Variants in YARS1 observed in about 807,000 individuals in gnomAD.
YARS1 encodes tyrosine--tRNA ligase, cytoplasmic.
A neutral mutation model predicts 62.2 loss-of-function variants in YARS1; 36 were observed. The observed-to-expected ratio is 0.58, with a 90% CI of 0.44 to 0.76. The LOEUF is 0.76. Among genes scored for constraint, YARS1 ranks in the 30% least tolerant of loss-of-function variants. The pLI is 0.00. For missense variants in YARS1, 524 were observed against 639.8 expected, an observed-to-expected ratio of 0.82 and a Z score of 1.95; for synonymous variants, 234 against 244.9, an observed-to-expected ratio of 0.96 and a Z score of 0.42.
At chr1:32,817,115 G>A (rs888639912) in intron 1 of YARS1, 73 bp downstream of exon 1, 1 of 1,585,442 alleles carries the variant, frequency 6.3e-7, no homozygotes, top group Admixed American at 1.7e-5. Flanking sequence ...TTAGAACCCC[G>A]TAATGGGGCT....
At chr1:32,810,106 CAAAAA>C (rs11381151) in intron 3 of YARS1, among the ~76,000 whole-genome samples, 2 of 121,560 alleles carry the variant, frequency 1.6e-5, no homozygotes, top group Admixed American at 8.1e-5. Context: ...AACTCCACCT[CAAAAA>C]AAAAAAAAAA....
chr1:32,789,293 G>A (rs898981281), intron 6 of YARS1, among the ~76,000 whole-genome samples: 13 of 152,222 alleles, frequency 8.5e-5, no homozygotes, highest in African/African-American at 3.1e-4. Flanking sequence ...TTAAGATGCC[G>A]AAAATTGCTA....
chr1:32,786,459 A>G lies in YARS1; in HGVS notation c.821-12T>C. 6.2e-7 allele frequency: 1 copy of G among 1,611,230 alleles called. No homozygotes were observed. Among genetic ancestry groups the G allele is most frequent in the Non-Finnish European group, 8.5e-7 (1 of 1,177,998 alleles). On this transcript the variant is annotated splice_polypyrimidine_tract_variant and intron_variant, in intron 7 of 12. Coordinates refer to ENST00000373477, the MANE Select transcript of YARS1 (RefSeq NM_003680.4). ...TAGGATCACAAACTCTATAAGGAAA[A>G]GGATCCATGTCAACAAACTCATTGA...
At chr1:32,788,743 T>C (rs1653320017) in intron 6 of YARS1, among the ~76,000 whole-genome samples, 1 of 152,122 alleles carries the variant, frequency 6.6e-6, no homozygotes, top group African/African-American at 2.4e-5. Context: ...CCTGGCTAAT[T>C]ATTTGTTAAA....
intron 1 of YARS1, among the ~76,000 whole-genome samples, chr1:32,814,919 G>A (rs1157239401): frequency 1.3e-5 from 2 of 152,144 alleles, no homozygotes; most frequent in South Asian, 2.1e-4. Flanking sequence ...TTTGAATCAT[G>A]TTTTACCAGG....
chr1:32,799,498 C>T (rs144562120), intron 4 of YARS1, among the ~76,000 whole-genome samples: 33 of 152,138 alleles, frequency 2.2e-4, no homozygotes, highest in Admixed American at 1.2e-3. Context: ...ACAATGAGGA[C>T]GCAGAGCAAG....
chr1:32,797,520 G>A (rs1653645211), intron 5 of YARS1: 1 of 565,244 alleles, frequency 1.8e-6, no homozygotes, highest in Non-Finnish European at 3.2e-6. Context: ...GCAGCTTCCT[G>A]GTTGTCACCA....
chr1:32,782,663 G>C lies in YARS1; in HGVS notation c.907-124C>G, dbSNP rs1653099146. The C allele has an allele frequency of 3.0e-6, 4 of 1,342,884 alleles. No homozygotes were observed. The South Asian group carries it at 4.9e-5, about 17-fold the overall frequency. The allele number at this position is 1,342,884 out of a possible 1,614,324, so 83.2% of individuals were successfully genotyped here. A position where few individuals can be genotyped will look rare whatever the true frequency, so the allele number is the denominator to read the frequency against. ...CTTATTTGATCCTTGTGATAATCTT[G>C]TGAGGCAGGTAGGAGAAGGGAAAAT... On this transcript the variant is annotated intron_variant, in intron 8 of 12. Coordinates refer to ENST00000373477, the MANE Select transcript of YARS1 (RefSeq NM_003680.4).
intron 4 of YARS1, among the ~76,000 whole-genome samples, chr1:32,806,021 C>T (rs183493429): frequency 2.4e-4 from 36 of 152,128 alleles, no homozygotes; most frequent in African/African-American, 8.2e-4. Context: ...CACTTAGAGG[C>T]CATTGTAGGG....
chr1:32,789,938 C>G (rs547879292), intron 6 of YARS1, among the ~76,000 whole-genome samples: 1 of 148,740 alleles, frequency 6.7e-6, no homozygotes. Flanking sequence ...GGCTGGAGTG[C>G]AACAGTGTGA....
At chr1:32,816,528 C>T (rs1361308796) in intron 1 of YARS1, among the ~76,000 whole-genome samples, 1 of 152,136 alleles carries the variant, frequency 6.6e-6, no homozygotes, top group East Asian at 1.9e-4. Context: ...AAGGGGTAAG[C>T]AATATAAATA....
chr1:32,814,292 C>T (rs1417716935), intron 1 of YARS1, among the ~76,000 whole-genome samples: 3 of 152,162 alleles, frequency 2.0e-5, no homozygotes, highest in Non-Finnish European at 2.9e-5. Flanking sequence ...TCTGCCTCTA[C>T]ATCACCACCC....
At chr1:32,781,485 G>C (rs1653054939) in intron 9 of YARS1, 1 of 310,190 alleles carries the variant, frequency 3.2e-6, no homozygotes, top group Admixed American at 4.5e-5. Flanking sequence ...TTGGGAGGCT[G>C]AGACGGGAGG....
chr1:32,780,220 C>T lies in YARS1; in HGVS notation c.1199G>A (p.Arg400Gln), dbSNP rs746892773. 1.1e-5 allele frequency: 17 copies of T among 1,614,036 alleles called. No individual in the cohort carries two copies. Among genetic ancestry groups the T allele is most frequent in the Non-Finnish European group, 1.4e-5 (17 of 1,180,040 alleles). Residue 400 changes from arginine to glutamine, a missense_variant, in exon 11 of 13, where the codon CGG (arginine) becomes CAG (glutamine). Arg to Gln is a conservative substitution (Grantham distance 43). Transcript: ENST00000373477. ...EKIDVGEAEP[R>Q]TVVSGLVQFV... ...CTGTACCAGGCCGCTCACCACAGTC[C>T]GTGGTTCAGCTTCCCCCACGTCAAT...
chr1:32,790,180 CCTTTT>C (rs1242641692), intron 6 of YARS1, among the ~76,000 whole-genome samples: 2 of 138,664 alleles, frequency 1.4e-5, no homozygotes, highest in African/African-American at 5.3e-5. Context: ...ACCACGCAGG[CCTTTT>C]TTTTTTTTTT....
At chr1:32,795,154 T>C (rs1765231) in intron 5 of YARS1, among the ~76,000 whole-genome samples, 149,967 of 151,868 alleles carry the variant, frequency 0.99, 74,074 homozygotes, top group East Asian at 1. Context: ...CCCGTCTCTA[T>C]TAAAAATACA....
chr1:32,803,792 G>A (rs1638368389), intron 4 of YARS1, among the ~76,000 whole-genome samples: 1 of 151,934 alleles, frequency 6.6e-6, no homozygotes, highest in East Asian at 1.9e-4. Context: ...TCGGAGAGGG[G>A]GATTTGGCAG....
intron 6 of YARS1, among the ~76,000 whole-genome samples, chr1:32,788,756 G>A (rs1307461451): frequency 6.6e-6 from 1 of 151,954 alleles, no homozygotes; most frequent in East Asian, 1.9e-4. Flanking sequence ...TTGTTAAAAT[G>A]GGGTCTCACT....
chr1:32,789,938 C>A (rs547879292), intron 6 of YARS1, among the ~76,000 whole-genome samples: 22 of 148,852 alleles, frequency 1.5e-4, no homozygotes, highest in Non-Finnish European at 2.2e-4. Context: ...GGCTGGAGTG[C>A]AACAGTGTGA....
Sources: gnomAD v4.1 joint callset for allele counts (sites outside exome capture counted in the v4.1 genomes callset) on GRCh38, gnomAD v4.1.1 for gene constraint, MANE v1.5 for transcripts, NCBI Gene and HGNC (gene_info 2026-07-23, HGNC 2026-07-21) for gene names.